DLC1: variants seen among roughly 807,000 people sequenced by gnomAD.
The protein encoded by DLC1 is DLC1 Rho GTPase activating protein, also known as rho GTPase-activating protein 7.
In DLC1, 54 loss-of-function variants were observed where a neutral mutation model predicts 140.3. The observed-to-expected ratio is 0.38, with a 90% CI of 0.31 to 0.48. DLC1 has a LOEUF of 0.48. Ranked by LOEUF, DLC1 falls within the 20% of genes least tolerant of loss-of-function variation. The pLI, the probability that DLC1 is intolerant of heterozygous loss-of-function variation, is 0.96. For missense variants in DLC1, 2,536 were observed against 1,907.0 expected, an observed-to-expected ratio of 1.33 and a Z score of -6.14; for synonymous variants, 986 against 728.1, an observed-to-expected ratio of 1.35 and a Z score of -5.70.
rs34178675 is a variant in DLC1, at chr8:13,364,300, CTTT to C, written c.1314+29250_1314+29252del. Among the ~76,000 whole-genome samples the C allele has an allele frequency of 5.5e-3, 774 of 141,846 alleles. 4 individuals carry two copies. The highest frequency in any genetic ancestry group is 7.5e-3 in the Non-Finnish European group (488 of 65,328). 93.1% of individuals were successfully genotyped at this position (141,846 alleles called of 152,430 possible). The stretch of plus-strand genomic sequence containing the variant: ...GTTTCCAGTTCTCTGGGTAATGAAA[CTTT>C]TTTTTTTTTTTTTTAGATGGAATCT... On this transcript the variant is annotated intron_variant, in intron 4 of 17. Transcript: ENST00000276297.
At chr8:13,410,568 A>G (rs879752303) in intron 2 of DLC1, among the ~76,000 whole-genome samples, 1 of 152,152 alleles carries the variant, frequency 6.6e-6, no homozygotes, top group East Asian at 1.9e-4. Flanking sequence ...ATGGAATAGG[A>G]GGAAAAACCC....
chr8:13,355,908 C>T (rs1305981802), intron 4 of DLC1, among the ~76,000 whole-genome samples: 2 of 149,568 alleles, frequency 1.3e-5, no homozygotes, highest in African/African-American at 4.9e-5. Context: ...CATGGTGAAA[C>T]CCCGTCTCTA....
At chr8:13,205,159 T>G (rs1300101942) in intron 5 of DLC1, among the ~76,000 whole-genome samples, 4 of 152,174 alleles carry the variant, frequency 2.6e-5, no homozygotes, top group Non-Finnish European at 5.9e-5. Context: ...ACAGAGTTCA[T>G]TTCAGTCTGC....
intron 1 of DLC1, chr8:13,567,078 T>A: frequency 6.4e-7 from 1 of 1,551,744 alleles, no homozygotes; most frequent in Non-Finnish European, 8.7e-7. Context: ...AGAACTCTAC[T>A]GATGAGGTAC....
intron 5 of DLC1, among the ~76,000 whole-genome samples, chr8:13,279,843 A>G (rs946262299): frequency 2.0e-5 from 3 of 152,172 alleles, no homozygotes; most frequent in Non-Finnish European, 2.9e-5. Flanking sequence ...TTGTATTTCC[A>G]CAAACTTCAA....
In DLC1 at chr8:13,519,903, C is replaced by T. The variant is rs536543600; in HGVS notation, c.-125-19707G>A. On this transcript the variant is annotated intron_variant, in intron 1 of 1. Coordinates refer to the DLC1 transcript ENST00000631382. Reference sequence around the variant, plus strand: ...ATCATCTCTGGTAATTAGAGAAATGCAAATCAAAACCACAGTGAGATACCA... The same window carrying T: ...ATCATCTCTGGTAATTAGAGAAATGTAAATCAAAACCACAGTGAGATACCA... 2.3e-4 allele frequency among the ~76,000 whole-genome samples: 35 copies of T among 152,248 alleles called. 1 individual carries two copies. The East Asian group carries it at 3.9e-3, about 17-fold the overall frequency.
intron 5 of DLC1, among the ~76,000 whole-genome samples, chr8:13,191,960 T>TTA (rs1428123959): frequency 7.2e-4 from 71 of 99,134 alleles, no homozygotes; most frequent in Non-Finnish European, 1.1e-3. Context: ...TATTATTATT[T>TTA]TTATGGAGTC....
chr8:13,480,306 G>A (rs192599526), intron 2 of DLC1, among the ~76,000 whole-genome samples: 3 of 152,252 alleles, frequency 2.0e-5, no homozygotes, highest in Non-Finnish European at 4.4e-5. Flanking sequence ...AGGGAGATAT[G>A]TAAACCAGAA....
intron 5 of DLC1, among the ~76,000 whole-genome samples, chr8:13,153,406 T>A (rs1823990299): frequency 6.6e-6 from 1 of 152,170 alleles, no homozygotes; most frequent in Non-Finnish European, 1.5e-5. Flanking sequence ...CTGTTACAGC[T>A]CATAAACGCA....
intron 5 of DLC1, among the ~76,000 whole-genome samples, chr8:13,170,121 A>C (rs913230375): frequency 6.6e-6 from 1 of 152,236 alleles, no homozygotes; most frequent in Non-Finnish European, 1.5e-5. Context: ...TTTCAAGTTT[A>C]TTTAGCATAT....
chr8:13,500,873 T>A (rs996986479), intron 1 of DLC1, among the ~76,000 whole-genome samples: 1 of 152,198 alleles, frequency 6.6e-6, no homozygotes, highest in Non-Finnish European at 1.5e-5. Flanking sequence ...CTGCTACTAC[T>A]AGCTTGCAAG....
chr8:13,573,885 A>C (rs898600025), intron 1 of DLC1, among the ~76,000 whole-genome samples: 3 of 152,154 alleles, frequency 2.0e-5, no homozygotes, highest in African/African-American at 7.2e-5. Flanking sequence ...CTTGTGGCTT[A>C]ATTAATATGC....
intron 4 of DLC1, among the ~76,000 whole-genome samples, chr8:13,377,739 A>C (rs1836065721): frequency 6.6e-6 from 1 of 152,000 alleles, no homozygotes; most frequent in South Asian, 2.1e-4. Flanking sequence ...TTTTTTTAAC[A>C]GTACTTTAAA....
chr8:13,556,779 A>G (rs1312004019), intron 1 of DLC1, among the ~76,000 whole-genome samples: 1 of 152,208 alleles, frequency 6.6e-6, no homozygotes, highest in African/African-American at 2.4e-5. Context: ...GCTTATTTCT[A>G]AAGTGGATGC....
chr8:13,505,440 T>C (rs180878235), intron 1 of DLC1, among the ~76,000 whole-genome samples: 1 of 152,334 alleles, frequency 6.6e-6, no homozygotes, highest in Admixed American at 6.5e-5. Context: ...TATTATGATA[T>C]TGTGTGCCAT....
intron 5 of DLC1, among the ~76,000 whole-genome samples, chr8:13,163,579 T>C (rs140104690): frequency 2.0e-4 from 30 of 152,074 alleles, no homozygotes; most frequent in Non-Finnish European, 3.5e-4. Context: ...TAGTGATACA[T>C]TGTGGTGGCT....
At chr8:13,419,957 G>A (rs1387396073) in intron 2 of DLC1, among the ~76,000 whole-genome samples, 2 of 151,968 alleles carry the variant, frequency 1.3e-5, no homozygotes, top group Non-Finnish European at 2.9e-5. Context: ...TGTATGTGTC[G>A]AGGAATTTAT....
chr8:13,259,482 A>G (rs185011978), intron 5 of DLC1, among the ~76,000 whole-genome samples: 34 of 152,324 alleles, frequency 2.2e-4, no homozygotes, highest in Non-Finnish European at 4.7e-4. Context: ...CATCAGCTGT[A>G]TGATAAATCC....
intron 2 of DLC1, among the ~76,000 whole-genome samples, chr8:13,450,452 CAAAAAAAAAAAAAA>C (rs759911909): frequency 2.6e-4 from 14 of 53,360 alleles, no homozygotes; most frequent in African/African-American, 1.1e-3. Context: ...GAGACTGTCT[CAAAAAAAAAAAAAA>C]AAAAAAAAAG....
Sources: allele counts gnomAD v4.1 joint callset (sites outside exome capture counted in the v4.1 genomes callset), GRCh38; gene constraint gnomAD v4.1.1; transcripts MANE v1.5; gene names NCBI Gene and HGNC (gene_info 2026-07-23, HGNC 2026-07-21).